Variants in SLIT3 observed in about 807,000 individuals in gnomAD.
The protein encoded by SLIT3 is slit guidance ligand 3.
SLIT3 carries 68 observed loss-of-function variants against 184.0 expected under a neutral mutation model. That is an observed-to-expected ratio of 0.37 (90% CI 0.30 to 0.45). The LOEUF (loss-of-function observed/expected upper bound fraction) is 0.45, where lower values mean the gene tolerates loss of function less well. Ranked by LOEUF, SLIT3 falls within the 20% of genes least tolerant of loss-of-function variation. The pLI, the probability that SLIT3 is intolerant of heterozygous loss-of-function variation, is 1.00. For missense variants in SLIT3, 1,707 were observed against 2,026.0 expected, an observed-to-expected ratio of 0.84 and a Z score of 3.02; for synonymous variants, 831 against 828.6, an observed-to-expected ratio of 1.00 and a Z score of -0.05.
At chr5:168,978,371 T>A (rs546910007) in intron 4 of SLIT3, among the ~76,000 whole-genome samples, 3 of 152,368 alleles carry the variant, frequency 2.0e-5, no homozygotes, top group Admixed American at 6.5e-5. Flanking sequence ...ATGTTGTGAA[T>A]GTTTTATTGT....
intron 11 of SLIT3, among the ~76,000 whole-genome samples, chr5:168,786,586 T>C (rs975871830): frequency 5.3e-5 from 8 of 152,194 alleles, no homozygotes; most frequent in Non-Finnish European, 1.0e-4. Context: ...TTCCTATTCT[T>C]TGAGTTCCAG....
rs368313484 is a variant in SLIT3, at chr5:168,821,435, C to A, written c.629+1825G>T. On this transcript the variant is annotated intron_variant, in intron 7 of 35. Coordinates refer to ENST00000519560, the MANE Select transcript of SLIT3 (RefSeq NM_003062.4). ...AATGCAGGCCCAGCACCCTGAGGTG[C>A]ACTCTTGGCTTCTTGCCCAGAAGCC... Among the ~76,000 whole-genome samples, 9 of 152,364 alleles carry A rather than the reference C, an allele frequency of 5.9e-5. No homozygotes were observed. In the South Asian group the frequency reaches 1.4e-3, roughly 25 times the overall value.
At chr5:169,041,446 A>T (rs370933518) in intron 4 of SLIT3, among the ~76,000 whole-genome samples, 4 of 123,010 alleles carry the variant, frequency 3.3e-5, no homozygotes, top group African/African-American at 1.2e-4. Context: ...TCTATCATGG[A>T]TTTGATTTGA....
At chr5:168,932,104 A>C (rs1333340135) in intron 4 of SLIT3, among the ~76,000 whole-genome samples, 3 of 151,916 alleles carry the variant, frequency 2.0e-5, no homozygotes, top group Non-Finnish European at 4.4e-5. Context: ...CAGGCTCTTC[A>C]TAAGATGGAG....
intron 4 of SLIT3, among the ~76,000 whole-genome samples, chr5:169,101,317 G>C (rs1191160680): frequency 1.3e-5 from 2 of 152,114 alleles, no homozygotes; most frequent in Admixed American, 1.3e-4. Context: ...ACAGGACGTG[G>C]GTAAAGCTGA....
chr5:169,023,372 T>G (rs917802703), intron 4 of SLIT3, among the ~76,000 whole-genome samples: 2 of 152,030 alleles, frequency 1.3e-5, no homozygotes, highest in Admixed American at 1.3e-4. Flanking sequence ...AGGACTGTAT[T>G]CAAAGAAAAA....
intron 1 of SLIT3, among the ~76,000 whole-genome samples, chr5:169,261,851 C>T (rs1228794482): frequency 1.3e-5 from 2 of 152,158 alleles, no homozygotes; most frequent in Admixed American, 6.5e-5. Context: ...CGGCAATGCC[C>T]GTCTTGCTAT....
At chr5:169,272,098 G>A (rs1397970409) in intron 1 of SLIT3, among the ~76,000 whole-genome samples, 1 of 152,216 alleles carries the variant, frequency 6.6e-6, no homozygotes, top group Non-Finnish European at 1.5e-5. Context: ...ATGGGTAAGG[G>A]GGCTGGGGAT....
intron 4 of SLIT3, among the ~76,000 whole-genome samples, chr5:169,131,914 A>G (rs1464421499): frequency 1.3e-5 from 2 of 152,196 alleles, no homozygotes; most frequent in Non-Finnish European, 2.9e-5. Flanking sequence ...AGGGCACTTC[A>G]CAAGTATCAC....
intron 4 of SLIT3, among the ~76,000 whole-genome samples, chr5:168,957,360 C>G (rs1223563901): frequency 6.6e-6 from 1 of 152,136 alleles, no homozygotes; most frequent in Non-Finnish European, 1.5e-5. Flanking sequence ...CCACTGTGCC[C>G]AGCCCCTTCA....
intron 4 of SLIT3, among the ~76,000 whole-genome samples, chr5:169,071,802 C>T (rs1285190417): frequency 1.3e-5 from 2 of 152,200 alleles, no homozygotes; most frequent in Non-Finnish European, 2.9e-5. Flanking sequence ...AATAGCCACT[C>T]TTGCCTTATC....
intron 12 of SLIT3, among the ~76,000 whole-genome samples, chr5:168,777,516 C>T (rs1755805667): frequency 6.6e-6 from 1 of 152,230 alleles, no homozygotes; most frequent in African/African-American, 2.4e-5. Context: ...CATCCAGATG[C>T]TCCTTTGTTT....
chr5:168,746,675 ATGGTGGTGTGTGGTGGTG>A (rs1754444868), intron 20 of SLIT3, among the ~76,000 whole-genome samples: 1 of 5,036 alleles, frequency 2.0e-4, no homozygotes, highest in African/African-American at 1.0e-3. Context: ...GTGTGGTGGT[ATGGTGGTGTGTGGTGGTG>A]TGGGTGTGGT....
chr5:169,288,405 C>A (rs1366795936), intron 1 of SLIT3, among the ~76,000 whole-genome samples: 1 of 151,714 alleles, frequency 6.6e-6, no homozygotes, highest in Non-Finnish European at 1.5e-5. Context: ...GGGAGGCTTT[C>A]TACATATTTG....
chr5:168,873,944 CT>C (rs1436834473), intron 5 of SLIT3, among the ~76,000 whole-genome samples: 2 of 152,150 alleles, frequency 1.3e-5, no homozygotes, highest in African/African-American at 4.8e-5. Flanking sequence ...TCATCTCCTC[CT>C]AAGTCCCTTA....
At chr5:168,727,418 GC>G (rs1488299819) in intron 20 of SLIT3, among the ~76,000 whole-genome samples, 1 of 152,230 alleles carries the variant, frequency 6.6e-6, no homozygotes, top group African/African-American at 2.4e-5. Flanking sequence ...CTTGGAAAGA[GC>G]AGGGGAGGTG....
At chr5:168,779,981 C>T (rs966614401) in intron 12 of SLIT3, among the ~76,000 whole-genome samples, 7 of 152,228 alleles carry the variant, frequency 4.6e-5, no homozygotes, top group African/African-American at 1.2e-4. Context: ...TGCTCTGATC[C>T]GCTCTTCAAT....
At chr5:169,153,481 C>G (rs904448385) in intron 4 of SLIT3, among the ~76,000 whole-genome samples, 4 of 152,214 alleles carry the variant, frequency 2.6e-5, no homozygotes, top group Admixed American at 6.5e-5. Context: ...ATTTGAGCAG[C>G]AAAGTGGTAT....
intron 23 of SLIT3, among the ~76,000 whole-genome samples, chr5:168,714,364 G>T (rs2113338698): frequency 6.6e-6 from 1 of 152,308 alleles, no homozygotes; most frequent in Admixed American, 6.5e-5. Flanking sequence ...AAACACCGAA[G>T]GACCCAAGGG....
Sources: gnomAD v4.1 joint callset for allele counts (sites outside exome capture counted in the v4.1 genomes callset) on GRCh38, gnomAD v4.1.1 for gene constraint, MANE v1.5 for transcripts, NCBI Gene and HGNC (gene_info 2026-07-23, HGNC 2026-07-21) for gene names.